SLC35F4: variants seen among roughly 807,000 people sequenced by gnomAD.
SLC35F4 encodes chromosome 14 open reading frame 36.
A neutral mutation model predicts 44.2 loss-of-function variants in SLC35F4; 24 were observed. That is an observed-to-expected ratio of 0.54 (90% CI 0.39 to 0.76). The LOEUF (loss-of-function observed/expected upper bound fraction) is 0.76. SLC35F4 is among the 30% of genes least tolerant of loss of function. SLC35F4 has a pLI of 0.00. For missense variants in SLC35F4, 562 were observed against 586.1 expected (o/e 0.96, Z 0.42); for synonymous variants, 238 against 223.6 (o/e 1.06, Z -0.57).
chr14:57,618,526 A>G lies in SLC35F4; in HGVS notation c.104-24402T>C, dbSNP rs548998987. 4.5e-4 allele frequency among the ~76,000 whole-genome samples: 69 copies of G among 152,266 alleles called. 1 individual carries two copies. The Middle Eastern group carries it at 0.014, about 30-fold the overall frequency. ...CTGGCCCAGATACTGCGCTTTTCCCATGGTCTTCACAACCCACAGACAAGG... is the reference window on the plus strand; with the variant it reads ...CTGGCCCAGATACTGCGCTTTTCCCGTGGTCTTCACAACCCACAGACAAGG... On this transcript the variant is annotated intron_variant, in intron 1 of 7. Coordinates refer to ENST00000556826, the MANE Select transcript of SLC35F4 (RefSeq NM_001306087.2).
At chr14:57,822,037 A>C (rs1410125053) in intron 1 of SLC35F4, among the ~76,000 whole-genome samples, 1 of 152,114 alleles carries the variant, frequency 6.6e-6, no homozygotes, top group African/African-American at 2.4e-5. Flanking sequence ...CCCTTGCCCT[A>C]CTACTGGCCC....
chr14:57,786,540 A>T (rs1380505180), intron 1 of SLC35F4, among the ~76,000 whole-genome samples: 2 of 152,162 alleles, frequency 1.3e-5, no homozygotes, highest in Non-Finnish European at 2.9e-5. Flanking sequence ...TGTCCACAGA[A>T]CAGGTGCAGG....
chr14:57,958,288 G>A (rs1321523856), intron 1 of SLC35F4, among the ~76,000 whole-genome samples: 1 of 152,112 alleles, frequency 6.6e-6, no homozygotes, highest in Non-Finnish European at 1.5e-5. Flanking sequence ...TCAATCTCCT[G>A]ACCTCGTGAT....
intron 1 of SLC35F4, among the ~76,000 whole-genome samples, chr14:57,905,221 G>A (rs1889084446): frequency 6.6e-6 from 1 of 152,180 alleles, no homozygotes. Context: ...GTCGGCAGCA[G>A]GCCTCAGTTT....
intron 6 of SLC35F4, among the ~76,000 whole-genome samples, chr14:57,567,721 T>A (rs2068277323): frequency 6.6e-6 from 1 of 152,164 alleles, no homozygotes; most frequent in Non-Finnish European, 1.5e-5. Context: ...ACATCGCAAA[T>A]TCTGACCAAT....
chr14:57,937,358 G>T (rs922498273), intron 1 of SLC35F4, among the ~76,000 whole-genome samples: 5 of 151,972 alleles, frequency 3.3e-5, no homozygotes, highest in Non-Finnish European at 7.4e-5. Context: ...GCGAGCCACC[G>T]CACCTGGCCT....
intron 1 of SLC35F4, among the ~76,000 whole-genome samples, chr14:57,980,073 CT>C (rs2141100543): frequency 6.6e-6 from 1 of 152,310 alleles, no homozygotes; most frequent in Non-Finnish European, 1.5e-5. Flanking sequence ...TGGACAAAAG[CT>C]ATTGTATCAG....
intron 1 of SLC35F4, among the ~76,000 whole-genome samples, chr14:57,659,925 G>T (rs570447884): frequency 6.6e-6 from 1 of 152,302 alleles, no homozygotes; most frequent in East Asian, 1.9e-4. Flanking sequence ...TGCCAAAGAA[G>T]CATGAAGTTA....
chr14:57,970,025 G>T (rs1881007732), intron 1 of SLC35F4, among the ~76,000 whole-genome samples: 1 of 152,138 alleles, frequency 6.6e-6, no homozygotes, highest in Non-Finnish European at 1.5e-5. Flanking sequence ...AGGAAAATTA[G>T]ACCCAAATTT....
intron 4 of SLC35F4, among the ~76,000 whole-genome samples, chr14:57,576,630 A>C (rs2068807088): frequency 6.6e-6 from 1 of 150,482 alleles, no homozygotes. Flanking sequence ...CAAGTGCTGA[A>C]ATGTGAAAAA....
intron 2 of SLC35F4, among the ~76,000 whole-genome samples, chr14:57,589,870 A>G (rs1270743438): frequency 1.3e-5 from 2 of 152,200 alleles, no homozygotes; most frequent in African/African-American, 4.8e-5. Flanking sequence ...GTGAGAAGAC[A>G]TGAGGCATAA....
intron 1 of SLC35F4, among the ~76,000 whole-genome samples, chr14:57,764,289 T>C (rs1281473915): frequency 6.6e-6 from 1 of 152,094 alleles, no homozygotes; most frequent in Non-Finnish European, 1.5e-5. Flanking sequence ...CACATACCCT[T>C]TTGGTCTCCT....
chr14:57,600,440 C>G (rs944153992), intron 1 of SLC35F4, among the ~76,000 whole-genome samples: 13 of 151,628 alleles, frequency 8.6e-5, no homozygotes, highest in Admixed American at 6.6e-5. Context: ...CGCCTGTAAT[C>G]CCAGCACTTT....
At position 57,833,006 on chromosome 14, in the gene SLC35F4, T is replaced by C. The variant is rs1157900505; in HGVS notation, c.103+32717A>G. Among the ~76,000 whole-genome samples the C allele has an allele frequency of 2.0e-5, 3 of 152,344 alleles. No individual in the cohort carries two copies. The South Asian group carries it at 6.2e-4, about 32-fold the overall frequency. On this transcript the variant is annotated intron_variant, in intron 1 of 7. Transcript: ENST00000556826. ...TGTTCATTTCTTTAATGATAAATAT[T>C]GTAGGAACACGAGAGCAGGTGTCCC...
chr14:57,822,024 C>G (rs1883226312), intron 1 of SLC35F4, among the ~76,000 whole-genome samples: 1 of 152,186 alleles, frequency 6.6e-6, no homozygotes. Context: ...AGGCTCTTGA[C>G]TTCCCTTGCC....
At chr14:57,881,061 T>A (rs1228665839) in intron 1 of SLC35F4, among the ~76,000 whole-genome samples, 1 of 152,152 alleles carries the variant, frequency 6.6e-6, no homozygotes, top group Non-Finnish European at 1.5e-5. Flanking sequence ...ATTCTCATGA[T>A]ATCCCTGACA....
At chr14:57,903,695 T>C (rs1242781079) in intron 1 of SLC35F4, among the ~76,000 whole-genome samples, 3 of 152,220 alleles carry the variant, frequency 2.0e-5, no homozygotes, top group African/African-American at 7.2e-5. Context: ...TAAGACAAGA[T>C]TTATTAACAA....
At chr14:57,585,022 T>C (rs2069590809) in intron 3 of SLC35F4, among the ~76,000 whole-genome samples, 1 of 152,208 alleles carries the variant, frequency 6.6e-6, no homozygotes, top group African/African-American at 2.4e-5. Context: ...ATATAAAATA[T>C]CTTTAGTAAT....
intron 1 of SLC35F4, among the ~76,000 whole-genome samples, chr14:57,824,996 T>C (rs1883574343): frequency 6.6e-6 from 1 of 151,976 alleles, no homozygotes; most frequent in Admixed American, 6.6e-5. Context: ...GTCAAGAGGG[T>C]ACAGCAATAT....
Sources: gnomAD v4.1 joint callset for allele counts (sites outside exome capture counted in the v4.1 genomes callset) on GRCh38, gnomAD v4.1.1 for gene constraint, MANE v1.5 for transcripts, NCBI Gene and HGNC (gene_info 2026-07-23, HGNC 2026-07-21) for gene names.